The following EFEMP1 variants were observed in gnomAD, a reference collection of about 807,000 sequenced individuals.
The protein encoded by EFEMP1 is EGF-containing fibulin-like extracellular matrix protein 1.
Under a neutral mutation model 65.7 loss-of-function variants are expected in EFEMP1, and 18 were observed. That is an observed-to-expected ratio of 0.27 (90% CI 0.19 to 0.41). The LOEUF is 0.41. Ranked by LOEUF, EFEMP1 falls within the 10% of genes least tolerant of loss-of-function variation. The pLI is 1.00. For missense variants in EFEMP1, 469 were observed against 624.8 expected (o/e 0.75, Z 2.66); for synonymous variants, 237 against 219.7 (o/e 1.08, Z -0.70).
At position 55,866,958 on chromosome 2, in the gene EFEMP1, G is replaced by T; in HGVS notation, c.*115C>A. 1 of 1,305,004 alleles carries T rather than the reference G, an allele frequency of 7.7e-7. No homozygotes were observed. Among genetic ancestry groups the T allele is most frequent in the Non-Finnish European group, 1.1e-6 (1 of 916,364 alleles). The allele number at this position is 1,305,004 out of a possible 1,614,324, so 80.8% of individuals were successfully genotyped here. A position where few individuals can be genotyped will look rare whatever the true frequency, so the allele number is the denominator to read the frequency against. ...TGGTGTAATTGTTTGAATTATGGGT[G>T]AGTGTACAGTATAGAGATGTAGATG... On this transcript the variant is annotated 3_prime_UTR_variant, in exon 12 of 12. Coordinates refer to ENST00000355426, the MANE Select transcript of EFEMP1 (RefSeq NM_001039348.3).
In EFEMP1 at chr2:55,871,161, C is replaced by G. The variant is rs765694007; in HGVS notation, c.1001-38G>C. ...AGGGTCAAAGAGTTTACTAACTAAA[C>G]TAATGAACTGATCTAATTAAATCAT... On this transcript the variant is annotated intron_variant, in intron 9 of 11. Coordinates refer to ENST00000355426, the MANE Select transcript of EFEMP1 (RefSeq NM_001039348.3). This position sits in a 1 kb window ranked among gnomAD's most constrained non-coding sequence, Gnocchi z 4.2. The G allele has an allele frequency of 6.2e-7, 1 of 1,612,340 alleles. No individual in the cohort carries two copies. Among genetic ancestry groups the G allele is most frequent in the African/African-American group, 1.3e-5 (1 of 74,974 alleles).
At chr2:55,891,722 T>C (rs954473651) in intron 5 of EFEMP1, among the ~76,000 whole-genome samples, 2 of 152,104 alleles carry the variant, frequency 1.3e-5, no homozygotes, top group African/African-American at 4.8e-5. Context: ...TACGAAATTT[T>C]AGACTCATTA....
At chr2:55,880,179 T>C (rs1027935838) in intron 6 of EFEMP1, among the ~76,000 whole-genome samples, 5 of 152,088 alleles carry the variant, frequency 3.3e-5, no homozygotes, top group South Asian at 2.1e-4. Context: ...AATGATCAGA[T>C]TGAGCAAGAC....
intron 5 of EFEMP1, among the ~76,000 whole-genome samples, chr2:55,890,660 C>A (rs1482016468): frequency 6.6e-6 from 1 of 151,984 alleles, no homozygotes; most frequent in Admixed American, 6.6e-5. Context: ...CTAGAAAAAG[C>A]CCTTCTTTTG....
At chr2:55,892,484 C>T (rs1669665648) in intron 5 of EFEMP1, among the ~76,000 whole-genome samples, 1 of 152,050 alleles carries the variant, frequency 6.6e-6, no homozygotes, top group South Asian at 2.1e-4. Context: ...CTCTGTCCCT[C>T]TAATCTGTAG....
intron 5 of EFEMP1, among the ~76,000 whole-genome samples, chr2:55,911,064 T>G (rs1670463787): frequency 6.6e-6 from 1 of 152,222 alleles, no homozygotes; most frequent in African/African-American, 2.4e-5. Context: ...TCTCACCTAC[T>G]GACAATTTAA....
chr2:55,894,159 A>G (rs1166239231), intron 5 of EFEMP1, among the ~76,000 whole-genome samples: 1 of 152,236 alleles, frequency 6.6e-6, no homozygotes, highest in African/African-American at 2.4e-5. Flanking sequence ...CCTAGCACAC[A>G]TAACATTAAC....
At chr2:55,890,008 T>G (rs1159702175) in intron 5 of EFEMP1, among the ~76,000 whole-genome samples, 4 of 151,956 alleles carry the variant, frequency 2.6e-5, no homozygotes, top group Non-Finnish European at 5.9e-5. Flanking sequence ...TAAATGTAAA[T>G]GGACTAAATG....
intron 5 of EFEMP1, among the ~76,000 whole-genome samples, chr2:55,893,107 G>A (rs1435096849): frequency 2.0e-5 from 3 of 152,112 alleles, no homozygotes; most frequent in Non-Finnish European, 4.4e-5. Flanking sequence ...CTGCCAGATA[G>A]GTGTAAGGGG....
intron 9 of EFEMP1, among the ~76,000 whole-genome samples, chr2:55,874,531 T>TA (rs973339849): frequency 5.9e-5 from 9 of 152,098 alleles, no homozygotes; most frequent in Non-Finnish European, 1.3e-4. Flanking sequence ...CCTACATTCT[T>TA]ACGCAATTTA....
At chr2:55,890,206 G>GA (rs1222909857) in intron 5 of EFEMP1, among the ~76,000 whole-genome samples, 1 of 151,342 alleles carries the variant, frequency 6.6e-6, no homozygotes. Flanking sequence ...TGACTTTATG[G>GA]AAAAAAAAGA....
rs558281049 is a variant in EFEMP1, at chr2:55,919,658, T to A, written c.82-1391A>T. Among the ~76,000 whole-genome samples the A allele has an allele frequency of 9.8e-5, 15 of 152,336 alleles. No individual in the cohort carries two copies. In the South Asian group the frequency reaches 1.0e-3, roughly 11 times the overall value. On this transcript the variant is annotated intron_variant, in intron 3 of 11. Transcript: ENST00000355426. This position sits in a 1 kb window ranked among gnomAD's most constrained non-coding sequence, Gnocchi z 4.5. ...AACTGAGAGCTGCTTATGTACACAA[T>A]GGATGCTTGACAAGGAAATAGCTGA...
Position 55,866,408 on chromosome 2 carries a change from A to G in EFEMP1, c.*665T>C, listed in dbSNP as rs971880989. On this transcript the variant is annotated 3_prime_UTR_variant, in exon 12 of 12. Transcript: ENST00000355426. ...TCAATAGTATAATTTTCTAGGGGAT[A>G]TCTGGTTCATTTTGGGAATTCTGGA... 1.3e-5 allele frequency: 2 copies of G among 152,384 alleles called. No homozygotes were observed. The highest frequency in any genetic ancestry group is 2.1e-4 in the South Asian group (1 of 4,832). 9.4% of individuals were successfully genotyped at this position (152,384 alleles called of 1,614,324 possible).
At chr2:55,900,854 A>C (rs1261063783) in intron 5 of EFEMP1, among the ~76,000 whole-genome samples, 16 of 152,084 alleles carry the variant, frequency 1.1e-4, no homozygotes, top group African/African-American at 3.6e-4. Flanking sequence ...GTGCTATCCT[A>C]CTTCATTAGT....
intron 6 of EFEMP1, among the ~76,000 whole-genome samples, chr2:55,880,951 G>A (rs920104409): frequency 6.6e-6 from 1 of 152,218 alleles, no homozygotes; most frequent in South Asian, 2.1e-4. Context: ...AGGCCCTCCA[G>A]CAGAGGCACG....
chr2:55,906,248 G>T (rs1670267485), intron 5 of EFEMP1, among the ~76,000 whole-genome samples: 1 of 141,294 alleles, frequency 7.1e-6, no homozygotes, highest in Non-Finnish European at 1.5e-5. Flanking sequence ...TTTTTTAGAC[G>T]GAGTCTCGTT....
At chr2:55,874,812 CAG>C (rs1420257615) in intron 9 of EFEMP1, 132 bp downstream of exon 9, 16 of 897,988 alleles carry the variant, frequency 1.8e-5, no homozygotes, top group East Asian at 3.2e-5. Context: ...TTATGATGAA[CAG>C]GGGAAAAAAG....
At chr2:55,880,708 A>G (rs1669207203) in intron 6 of EFEMP1, among the ~76,000 whole-genome samples, 2 of 152,234 alleles carry the variant, frequency 1.3e-5, no homozygotes, top group South Asian at 4.1e-4. Context: ...AAGAAGGGGT[A>G]TGTAAATAAA....
At chr2:55,884,638 A>G (rs1669358851) in intron 5 of EFEMP1, among the ~76,000 whole-genome samples, 1 of 152,240 alleles carries the variant, frequency 6.6e-6, no homozygotes, top group African/African-American at 2.4e-5. Context: ...CTGCATTAGC[A>G]AAAGCAATGC....
Sources: gnomAD v4.1 joint callset for allele counts (sites outside exome capture counted in the v4.1 genomes callset) on GRCh38, gnomAD v4.1.1 for gene constraint, Gnocchi (gnomAD v3.1) non-coding constraint, MANE v1.5 for transcripts, NCBI Gene and HGNC (gene_info 2026-07-23, HGNC 2026-07-21) for gene names.